The following YAP1 variants were observed in gnomAD, a reference collection of about 807,000 sequenced individuals.
The protein encoded by YAP1 is Yes1 associated transcriptional regulator.
A neutral mutation model predicts 56.9 loss-of-function variants in YAP1; 5 were observed. The ratio of observed to expected loss-of-function variants is 0.09; its 90% CI spans 0.05 to 0.18. The LOEUF is 0.18. YAP1 is among the 10% of genes least tolerant of loss of function. The pLI is 1.00. For missense variants in YAP1, 539 were observed against 651.8 expected, an observed-to-expected ratio of 0.83 and a Z score of 1.88; for synonymous variants, 265 against 248.1, an observed-to-expected ratio of 1.07 and a Z score of -0.64.
chr11:102,136,852 T>A (rs1944704463), intron 2 of YAP1, among the ~76,000 whole-genome samples: 1 of 152,192 alleles, frequency 6.6e-6, no homozygotes, highest in African/African-American at 2.4e-5. Flanking sequence ...TGTATTCTGT[T>A]TGTTGTCTGT....
chr11:102,226,153 G>A (rs970474789), intron 7 of YAP1, among the ~76,000 whole-genome samples: 6 of 152,202 alleles, frequency 3.9e-5, no homozygotes, highest in Admixed American at 1.3e-4. Context: ...CCAGATCAGG[G>A]CAGGCAAAAT....
At chr11:102,185,955 C>A in intron 3 of YAP1, 63 bp from the exon 4 acceptor site, 1 of 1,471,294 alleles carries the variant, frequency 6.8e-7, no homozygotes, top group East Asian at 2.4e-5. Flanking sequence ...AGTACCCCCT[C>A]CCACTTTTTT....
At chr11:102,178,419 GTAGT>G (rs759063585) in intron 3 of YAP1, among the ~76,000 whole-genome samples, 3 of 152,176 alleles carry the variant, frequency 2.0e-5, no homozygotes, top group African/African-American at 4.8e-5. Context: ...AACTCGTGGT[GTAGT>G]TAATCAGGAT....
At chr11:102,166,535 G>C (rs1035868422) in intron 3 of YAP1, among the ~76,000 whole-genome samples, 1 of 152,214 alleles carries the variant, frequency 6.6e-6, no homozygotes, top group African/African-American at 2.4e-5. Context: ...ACAACTGTGA[G>C]AGCATGTAAG....
At chr11:102,180,774 A>G (rs1368872454) in intron 3 of YAP1, among the ~76,000 whole-genome samples, 1 of 151,990 alleles carries the variant, frequency 6.6e-6, no homozygotes, top group East Asian at 1.9e-4. Flanking sequence ...TTTTTTTACT[A>G]GCACAGAGAA....
At chr11:102,132,199 G>A (rs1477671785) in intron 2 of YAP1, among the ~76,000 whole-genome samples, 1 of 152,172 alleles carries the variant, frequency 6.6e-6, no homozygotes, top group Non-Finnish European at 1.5e-5. Context: ...TAGTAGCATG[G>A]GTCAGATACT....
intron 2 of YAP1, among the ~76,000 whole-genome samples, chr11:102,129,574 C>T (rs551635628): frequency 4.9e-5 from 7 of 143,704 alleles, no homozygotes; most frequent in South Asian, 2.2e-4. Flanking sequence ...GCCAAGATTG[C>T]GCCATTGCAT....
In YAP1 at chr11:102,209,497, G is replaced by A. The variant is rs79981660; in HGVS notation, c.985-20G>A. ...ATGTGGCTTAAAGTAATTTTTATCC[G>A]TCTTATTTTTTACTCTTAGGCAATG... On this transcript the variant is annotated intron_variant, in intron 5 of 8. Transcript: ENST00000282441. 0.042 allele frequency: 66,805 copies of A among 1,597,570 alleles called. 1,663 individuals carry two copies. Among genetic ancestry groups the A allele is most frequent in the Non-Finnish European group, 0.048 (56,510 of 1,172,866 alleles).
chr11:102,165,185 C>A (rs560573188), intron 3 of YAP1, among the ~76,000 whole-genome samples: 1 of 149,824 alleles, frequency 6.7e-6, no homozygotes, highest in East Asian at 2.0e-4. Flanking sequence ...ATGGTGAAAC[C>A]TTGTCTCTAC....
intron 2 of YAP1, among the ~76,000 whole-genome samples, chr11:102,152,825 C>G (rs987649622): frequency 6.6e-6 from 1 of 152,186 alleles, no homozygotes; most frequent in Non-Finnish European, 1.5e-5. Context: ...ACTTAACAGC[C>G]TTTCTTGGAA....
chr11:102,168,536 C>A (rs183811819), intron 3 of YAP1, among the ~76,000 whole-genome samples: 51 of 152,288 alleles, frequency 3.3e-4, no homozygotes, highest in African/African-American at 1.1e-3. Context: ...CAGTTCCCAA[C>A]TCTACCAATG....
chr11:102,214,741 A>G (rs1427190177), intron 6 of YAP1, among the ~76,000 whole-genome samples: 2 of 152,300 alleles, frequency 1.3e-5, no homozygotes, highest in East Asian at 3.9e-4. Context: ...ACATACTTTT[A>G]ACTGGTTATT....
chr11:102,144,807 T>G (rs1945224179), intron 2 of YAP1, among the ~76,000 whole-genome samples: 1 of 152,056 alleles, frequency 6.6e-6, no homozygotes, highest in South Asian at 2.1e-4. Context: ...TTTAAAAACG[T>G]GTCGATGTAG....
chr11:102,128,817 T>C (rs938776807), intron 2 of YAP1, among the ~76,000 whole-genome samples: 2 of 152,218 alleles, frequency 1.3e-5, no homozygotes, highest in Non-Finnish European at 2.9e-5. Context: ...TATCTGTTCG[T>C]TTGCCATTTC....
intron 2 of YAP1, among the ~76,000 whole-genome samples, chr11:102,147,741 A>C (rs530615172): frequency 6.6e-6 from 1 of 152,276 alleles, no homozygotes; most frequent in South Asian, 2.1e-4. Context: ...TTATTTCACC[A>C]TTAAGTTATC....
intron 1 of YAP1, 89 bp from the exon 2 acceptor site, chr11:102,114,055 C>T (rs1943128389): frequency 7.2e-7 from 1 of 1,382,124 alleles, no homozygotes; most frequent in Non-Finnish European, 9.6e-7. Context: ...CTTAGATATT[C>T]GGCTGCAATT....
At chr11:102,183,933 C>G (rs868668944) in intron 3 of YAP1, among the ~76,000 whole-genome samples, 1 of 151,584 alleles carries the variant, frequency 6.6e-6, no homozygotes, top group South Asian at 2.1e-4. Flanking sequence ...AAAAATTAGC[C>G]GGGCGTAGTG....
intron 2 of YAP1, among the ~76,000 whole-genome samples, chr11:102,126,307 G>T (rs981878509): frequency 2.0e-5 from 3 of 152,114 alleles, no homozygotes; most frequent in Admixed American, 6.5e-5. Context: ...CTGAATCCTT[G>T]ATATGGTTTG....
intron 6 of YAP1, among the ~76,000 whole-genome samples, chr11:102,213,625 TC>T (rs1949524087): frequency 6.6e-6 from 1 of 152,242 alleles, no homozygotes; most frequent in South Asian, 2.1e-4. Context: ...CAGTAACTCT[TC>T]CATTATTAGC....
Sources: allele counts gnomAD v4.1 joint callset (sites outside exome capture counted in the v4.1 genomes callset), GRCh38; gene constraint gnomAD v4.1.1; transcripts MANE v1.5; gene names NCBI Gene and HGNC (gene_info 2026-07-23, HGNC 2026-07-21).